Variants in SLAIN2 observed in about 807,000 individuals in gnomAD.
The protein encoded by SLAIN2 is SLAIN family member 2, also known as SLAIN motif-containing protein 2.
In SLAIN2, 31 loss-of-function variants were observed where a neutral mutation model predicts 56.6. That is an observed-to-expected ratio of 0.55 (90% confidence interval 0.41 to 0.74). The LOEUF is 0.74. Ranked by LOEUF, SLAIN2 falls within the 30% of genes least tolerant of loss-of-function variation. The probability of loss-of-function intolerance (pLI) is 0.00; values close to 1 mark genes in which losing one functional copy is unlikely to be tolerated. For synonymous variants in SLAIN2, 317 were observed against 284.9 expected, an observed-to-expected ratio of 1.11 and a Z score of -1.13; for missense variants, 777 against 754.2, an observed-to-expected ratio of 1.03 and a Z score of -0.35.
chr4:48,364,849 A>G (rs1333419069), intron 1 of SLAIN2, among the ~76,000 whole-genome samples: 1 of 107,818 alleles, frequency 9.3e-6, no homozygotes, highest in African/African-American at 3.6e-5. Flanking sequence ...TGAGAGGGAG[A>G]CCGTGGGGAG....
At chr4:48,371,006 T>C (rs1299695552) in intron 2 of SLAIN2, among the ~76,000 whole-genome samples, 1 of 152,188 alleles carries the variant, frequency 6.6e-6, no homozygotes, top group Non-Finnish European at 1.5e-5. Flanking sequence ...ACTTACGGGA[T>C]GTTATTACAG....
At position 48,424,997 on chromosome 4, in the gene SLAIN2, C is replaced by T. The variant is rs906912572; in HGVS notation, c.*2920C>T. On this transcript the variant is annotated 3_prime_UTR_variant, in exon 8 of 8. Coordinates refer to ENST00000264313, the MANE Select transcript of SLAIN2 (RefSeq NM_020846.2). ...TTGCCTCCTTAATAAACAGCCTGAC[C>T]ATAATGTTTATTATTAAATTTATAT... is the stretch of plus-strand genomic sequence containing the variant. The T allele has an allele frequency of 6.6e-6, 1 of 152,020 alleles. No homozygotes were observed. 9.4% of individuals were successfully genotyped at this position (152,020 alleles called of 1,614,324 possible).
intron 6 of SLAIN2, among the ~76,000 whole-genome samples, chr4:48,414,714 C>A (rs36157430): frequency 9.7e-6 from 1 of 103,540 alleles, no homozygotes; most frequent in Non-Finnish European, 1.9e-5. Context: ...CCCCCTCCCC[C>A]GACCCCACCA....
At chr4:48,365,303 T>C (rs1439030997) in intron 1 of SLAIN2, among the ~76,000 whole-genome samples, 2 of 151,676 alleles carry the variant, frequency 1.3e-5, no homozygotes, top group Non-Finnish European at 2.9e-5. Flanking sequence ...ACTCCGTCTC[T>C]ACTAAAAATA....
intron 1 of SLAIN2, among the ~76,000 whole-genome samples, chr4:48,345,800 A>G (rs1225219656): frequency 6.6e-6 from 1 of 152,132 alleles, no homozygotes; most frequent in African/African-American, 2.4e-5. Flanking sequence ...TGGTAGGCAT[A>G]TCTACTACGT....
intron 6 of SLAIN2, among the ~76,000 whole-genome samples, chr4:48,390,225 G>A (rs554558280): frequency 1.8e-4 from 27 of 151,508 alleles, no homozygotes; most frequent in Non-Finnish European, 2.9e-4. Context: ...TTACAGGCAC[G>A]CACCACCATG....
intron 1 of SLAIN2, among the ~76,000 whole-genome samples, chr4:48,358,334 T>A (rs1162568389): frequency 6.6e-6 from 1 of 152,076 alleles, no homozygotes; most frequent in Non-Finnish European, 1.5e-5. Context: ...TTTTTTTTTT[T>A]TTGAGACGGA....
chr4:48,413,639 A>G (rs1004265010), intron 6 of SLAIN2, among the ~76,000 whole-genome samples: 8 of 152,316 alleles, frequency 5.3e-5, no homozygotes, highest in African/African-American at 1.9e-4. Context: ...TTTGTCCTTC[A>G]TTTGTTAATA....
intron 1 of SLAIN2, among the ~76,000 whole-genome samples, chr4:48,342,871 G>C (rs2109727936): frequency 6.6e-6 from 1 of 151,982 alleles, no homozygotes; most frequent in African/African-American, 2.4e-5. Context: ...TCCTTCTAGG[G>C]GCAGAGAAAA....
At chr4:48,391,447 C>T (rs577671387) in intron 6 of SLAIN2, among the ~76,000 whole-genome samples, 3 of 152,302 alleles carry the variant, frequency 2.0e-5, no homozygotes, top group African/African-American at 7.2e-5. Flanking sequence ...TTGTTTATAG[C>T]TTAGACCAAC....
At chr4:48,410,874 G>T (rs1305300267) in intron 6 of SLAIN2, among the ~76,000 whole-genome samples, 1 of 152,174 alleles carries the variant, frequency 6.6e-6, no homozygotes, top group Non-Finnish European at 1.5e-5. Flanking sequence ...GGTCCAAAAT[G>T]TGCAGTTGCC....
intron 1 of SLAIN2, among the ~76,000 whole-genome samples, chr4:48,368,151 C>T (rs1178848380): frequency 6.6e-6 from 1 of 150,844 alleles, no homozygotes; most frequent in East Asian, 2.0e-4. Context: ...CAGGTTCAAG[C>T]AGTTCTTGTG....
chr4:48,402,195 C>T (rs1716572726), intron 6 of SLAIN2, among the ~76,000 whole-genome samples: 1 of 125,118 alleles, frequency 8.0e-6, no homozygotes, highest in African/African-American at 2.7e-5. Flanking sequence ...CTCTGGCTGC[C>T]CTTAATTTTT....
chr4:48,409,885 A>AAATAAT (rs769339482), intron 6 of SLAIN2, among the ~76,000 whole-genome samples: 7 of 151,720 alleles, frequency 4.6e-5, no homozygotes, highest in Non-Finnish European at 1.0e-4. Flanking sequence ...CTCCATCTCA[A>AAATAAT]AATAATAATA....
intron 6 of SLAIN2, chr4:48,394,690 A>G: frequency 6.6e-7 from 1 of 1,508,066 alleles, no homozygotes; most frequent in Non-Finnish European, 8.9e-7. Flanking sequence ...AAATTTCAGC[A>G]AATGATCTAG....
At chr4:48,369,775 A>C (rs1167434419) in intron 1 of SLAIN2, 74 bp from the exon 2 acceptor site, 1 of 1,418,532 alleles carries the variant, frequency 7.0e-7, no homozygotes, top group African/African-American at 1.4e-5. Context: ...ATTTAAATCG[A>C]TCCAAAAGGA....
At chr4:48,349,061 C>G (rs150869068) in intron 1 of SLAIN2, among the ~76,000 whole-genome samples, 2 of 152,296 alleles carry the variant, frequency 1.3e-5, no homozygotes, top group African/African-American at 4.8e-5. Flanking sequence ...CAAAATTTTA[C>G]TTATTCTTCA....
chr4:48,373,844 C>T (rs1715732090), intron 2 of SLAIN2, among the ~76,000 whole-genome samples: 1 of 152,080 alleles, frequency 6.6e-6, no homozygotes, highest in African/African-American at 2.4e-5. Flanking sequence ...AGTTCGAGAC[C>T]AGCCTGACCA....
chr4:48,375,503 T>C (rs1258048601), intron 2 of SLAIN2, among the ~76,000 whole-genome samples: 1 of 152,206 alleles, frequency 6.6e-6, no homozygotes, highest in Admixed American at 6.5e-5. Flanking sequence ...TTCTTTTTTT[T>C]CCTTTTTTCT....
Sources: gnomAD v4.1 joint callset for allele counts (sites outside exome capture counted in the v4.1 genomes callset) on GRCh38, gnomAD v4.1.1 for gene constraint, MANE v1.5 for transcripts, NCBI Gene and HGNC (gene_info 2026-07-23, HGNC 2026-07-21) for gene names.